Variants in NCKAP1L observed in about 807,000 individuals in gnomAD.
NCKAP1L encodes nck-associated protein 1-like.
NCKAP1L carries 53 observed loss-of-function variants against 139.2 expected under a neutral mutation model. The observed-to-expected ratio is 0.38, with a 90% CI of 0.31 to 0.48. NCKAP1L has a LOEUF of 0.48. Among genes scored for constraint, NCKAP1L ranks in the 20% least tolerant of loss-of-function variants. The probability of loss-of-function intolerance (pLI) is 0.98; values close to 1 mark genes in which losing one functional copy is unlikely to be tolerated. For synonymous variants in NCKAP1L, 468 were observed against 499.7 expected, an observed-to-expected ratio of 0.94 and a Z score of 0.85; for missense variants, 1,151 against 1,381.9, an observed-to-expected ratio of 0.83 and a Z score of 2.65.
intron 7 of NCKAP1L, 31 bp downstream of exon 7, chr12:54,510,016 G>A (rs1214146748): frequency 1.2e-6 from 2 of 1,612,088 alleles, no homozygotes; most frequent in Non-Finnish European, 1.7e-6. Context: ...GTTAGTGGAA[G>A]CATTCTCTTT....
At chr12:54,539,031 T>C in intron 30 of NCKAP1L, 58 bp downstream of exon 30, 166 of 1,418,956 alleles carry the variant, frequency 1.2e-4, no homozygotes, top group Non-Finnish European at 1.5e-4. Flanking sequence ...AGAGGGAGAC[T>C]TCTGTTTAGG....
chr12:54,535,008 T>A (rs1957103164), intron 26 of NCKAP1L, 96 bp from the exon 27 acceptor site: 7 of 853,178 alleles, frequency 8.2e-6, no homozygotes, highest in South Asian at 3.8e-5. Context: ...AAAAAAAAAA[T>A]TAAACCTGTG....
Position 54,517,528 on chromosome 12 carries a change from C to A in NCKAP1L, c.1096-5C>A. ...AAATTCTAATAGTCTCTACCCCCTC[C>A]ATAGGCTCTTTTTGCTTTCATGGCC... is the stretch of plus-strand genomic sequence containing the variant. On this transcript the variant is annotated splice_polypyrimidine_tract_variant and splice_region_variant and intron_variant, in intron 11 of 30. Transcript: ENST00000293373. 1 of 1,605,910 alleles carries A rather than the reference C, an allele frequency of 6.2e-7. No homozygotes were observed. Among genetic ancestry groups the A allele is most frequent in the Non-Finnish European group, 8.5e-7 (1 of 1,172,476 alleles).
intron 27 of NCKAP1L, among the ~76,000 whole-genome samples, chr12:54,535,697 C>T (rs1299419755): frequency 6.6e-6 from 1 of 152,226 alleles, no homozygotes; most frequent in Non-Finnish European, 1.5e-5. Context: ...TGATTTCAGT[C>T]ATACCTATAC....
At position 54,502,819 on chromosome 12, in the gene NCKAP1L, T is replaced by TACAC. The variant is rs1348507610; in HGVS notation, c.306+2196_306+2199dup. Reference sequence around the variant, plus strand: ...CTGGGCAACATGGTGAAACCCCATCTACACAAAAAAAAAAAAAAAAAAAAA... The same window carrying TACAC: ...CTGGGCAACATGGTGAAACCCCATCTACACACACAAAAAAAAAAAAAAAAAAAAA... On this transcript the variant is annotated intron_variant, in intron 3 of 30. Coordinates refer to ENST00000293373, the MANE Select transcript of NCKAP1L (RefSeq NM_005337.5). 3.4e-3 allele frequency among the ~76,000 whole-genome samples: 126 copies of TACAC among 36,804 alleles called. 5 individuals are homozygous for TACAC. Among genetic ancestry groups the TACAC allele is most frequent in the Middle Eastern group, 0.022 (2 of 92 alleles). 24.1% of individuals were successfully genotyped at this position (36,804 alleles called of 152,430 possible). A position where few individuals can be genotyped will look rare whatever the true frequency, so the allele number is the denominator to read the frequency against.
chr12:54,516,344 C>T lies in NCKAP1L; in HGVS notation c.998+49C>T, dbSNP rs190868312. ...CTGAGAGGGGATGGAATAGGAATCT[C>T]TTCTCACTTTTGTTCTCACCTAAGC... is the stretch of plus-strand genomic sequence containing the variant. On this transcript the variant is annotated intron_variant, in intron 10 of 30. Transcript: ENST00000293373. 110 of 1,571,286 alleles carry T rather than the reference C, an allele frequency of 7.0e-5. No individual in the cohort carries two copies. In the East Asian group the frequency reaches 2.4e-3, roughly 35 times the overall value.
chr12:54,509,692 G>T lies in NCKAP1L; in HGVS notation c.530G>T (p.Gly177Val). Residue 177 changes from glycine (G) to valine (V), a missense_variant, in exon 6 of 31, where the codon GGT becomes GTT. Physicochemically the swap from Gly to Val is moderately radical, Grantham distance 109. Transcript: ENST00000293373. ...AGTGACCCCAGTTTTGCCCGTCTGG[G>T]TCAGATGGTCTTGGAGTATGACCAC... ...GHGDPSFARLGQMVLEYDHPL... is the reference protein window; with the variant it reads ...GHGDPSFARLVQMVLEYDHPL... 6.2e-7 allele frequency: 1 copy of T among 1,614,136 alleles called. No homozygotes were observed. Among genetic ancestry groups the T allele is most frequent in the African/African-American group, 1.3e-5 (1 of 75,050 alleles).
At chr12:54,532,292 G>A in intron 26 of NCKAP1L, 42 bp downstream of exon 26, 2 of 1,533,784 alleles carry the variant, frequency 1.3e-6, no homozygotes, top group South Asian at 1.2e-5. Context: ...GGAGACTTTT[G>A]TTGTTGAAAA....
intron 18 of NCKAP1L, among the ~76,000 whole-genome samples, chr12:54,522,929 G>A (rs1956996111): frequency 6.6e-6 from 1 of 152,214 alleles, no homozygotes; most frequent in South Asian, 2.1e-4. Context: ...CCAAATCTTT[G>A]GAGGGCTGTG....
At chr12:54,534,578 G>T (rs564768948) in intron 26 of NCKAP1L, among the ~76,000 whole-genome samples, 1 of 152,078 alleles carries the variant, frequency 6.6e-6, no homozygotes, top group Non-Finnish European at 1.5e-5. Flanking sequence ...GAGATCTAAG[G>T]GATGGACGTA....
At chr12:54,538,147 A>G (rs1184678926) in intron 29 of NCKAP1L, among the ~76,000 whole-genome samples, 1 of 152,224 alleles carries the variant, frequency 6.6e-6, no homozygotes. Context: ...ACAGCGGATC[A>G]TATTGTTCTC....
rs1466974735 is a variant in NCKAP1L, at chr12:54,538,938, A to G, written c.3238A>G (p.Arg1080Gly). 2 of 1,614,080 alleles carry G rather than the reference A, an allele frequency of 1.2e-6. No individual in the cohort carries two copies. Among genetic ancestry groups the G allele is most frequent in the East Asian group, 2.2e-5 (1 of 44,882 alleles). The stretch of plus-strand genomic sequence containing the variant: ...CCAGGAGACTGACAAGCTTAAAACC[A>G]GAAATCGAGAATCCATTTCTCTGCT... Reference protein sequence around the residue: ...LGQETDKLKTRNRESISLLMR... With the variant: ...LGQETDKLKTGNRESISLLMR... The change falls in exon 30 of 31, where the codon AGA (arginine) becomes GGA (glycine). Residue 1080 changes from arginine (R) to glycine (G), a missense_variant. Transcript: ENST00000293373.
In NCKAP1L at chr12:54,517,952, T is replaced by C. The variant is rs1490041312; in HGVS notation, c.1338+14T>C. 4 of 1,613,388 alleles carry C rather than the reference T, an allele frequency of 2.5e-6. No individual in the cohort carries two copies. In the East Asian group the frequency reaches 8.9e-5, roughly 36 times the overall value. On this transcript the variant is annotated intron_variant, in intron 13 of 30. Transcript: ENST00000293373. The stretch of plus-strand genomic sequence containing the variant: ...GACATCATTCAGGTATGATATTTAA[T>C]TGATTATACTTTGGAAATTTCAGGA...
chr12:54,518,024 T>C, intron 13 of NCKAP1L, 86 bp downstream of exon 13: 3 of 1,526,102 alleles, frequency 2.0e-6, no homozygotes, highest in Non-Finnish European at 1.8e-6. Context: ...CTGAATCTCA[T>C]GCTCTGTAAG....
chr12:54,514,615 G>C (rs547545664), intron 9 of NCKAP1L, among the ~76,000 whole-genome samples: 4 of 152,244 alleles, frequency 2.6e-5, no homozygotes, highest in African/African-American at 7.2e-5. Context: ...GAGCCACCGC[G>C]CCTGGCCTTG....
chr12:54,507,245 G>A (rs1057123136), intron 3 of NCKAP1L, among the ~76,000 whole-genome samples: 1 of 152,034 alleles, frequency 6.6e-6, no homozygotes, highest in African/African-American at 2.4e-5. Context: ...CTGATGTTGG[G>A]GGAAAGAAGT....
intron 22 of NCKAP1L, among the ~76,000 whole-genome samples, chr12:54,530,012 G>C (rs1039534448): frequency 6.6e-6 from 1 of 152,146 alleles, no homozygotes. Context: ...TCATAGTTCT[G>C]AGCTCAGTTC....
Position 54,538,929 on chromosome 12 carries a change from C to G in NCKAP1L, c.3229C>G (p.Leu1077Val). The G allele has an allele frequency of 1.2e-6, 2 of 1,614,074 alleles. No individual in the cohort carries two copies. The highest frequency in any genetic ancestry group is 2.2e-5 in the East Asian group (1 of 44,884). The change falls in exon 30 of 31, where the codon CTT becomes GTT. Residue 1077 changes from leucine to valine, a missense_variant. By Grantham distance (32) the Leu-to-Val change is conservative. Transcript: ENST00000293373. Reference sequence around the variant, plus strand: ...GCAGCTGGGCCAGGAGACTGACAAGCTTAAAACCAGAAATCGAGAATCCAT... The same window carrying G: ...GCAGCTGGGCCAGGAGACTGACAAGGTTAAAACCAGAAATCGAGAATCCAT... Reference protein sequence around the residue: ...LLQLGQETDKLKTRNRESISL... With the variant: ...LLQLGQETDKVKTRNRESISL...
intron 1 of NCKAP1L, among the ~76,000 whole-genome samples, 188 bp downstream of exon 1, chr12:54,498,079 T>G (rs991040585): frequency 3.3e-5 from 5 of 152,072 alleles, no homozygotes; most frequent in Admixed American, 6.6e-5. Flanking sequence ...AGGCTTCTTT[T>G]CAAGGCTTCC....
Sources: gnomAD v4.1 joint callset for allele counts (sites outside exome capture counted in the v4.1 genomes callset) on GRCh38, gnomAD v4.1.1 for gene constraint, MANE v1.5 for transcripts, NCBI Gene and HGNC (gene_info 2026-07-23, HGNC 2026-07-21) for gene names.